The following RAB38 variants were observed in gnomAD, a reference collection of about 807,000 sequenced individuals.
RAB38 encodes the protein RAB38, member RAS oncogene family.
In RAB38, 15 loss-of-function variants were observed where a neutral mutation model predicts 18.4. The observed-to-expected ratio is 0.82, with a 90% CI of 0.55 to 1.26. RAB38 has a LOEUF of 1.26. RAB38 is among the 50% of genes most tolerant of loss of function. The pLI is 0.00. For synonymous variants in RAB38, 101 were observed against 104.4 expected (o/e 0.97, Z 0.20); for missense variants, 294 against 267.4 (o/e 1.10, Z -0.69).
the RAB38 span, among the ~76,000 whole-genome samples, chr11:87,971,752 T>C: frequency 6.6e-6 from 1 of 152,032 alleles, no homozygotes; most frequent in Non-Finnish European, 1.5e-5. Flanking sequence ...TAAGCTTAAA[T>C]AAAAATTTTA....
chr11:87,905,640 C>G, the RAB38 span, among the ~76,000 whole-genome samples: 2 of 151,868 alleles, frequency 1.3e-5, no homozygotes, highest in African/African-American at 4.8e-5. Flanking sequence ...TCTCTCTATT[C>G]TGGCTGGTTG....
the RAB38 span, among the ~76,000 whole-genome samples, chr11:88,053,037 T>C: frequency 7.7e-6 from 1 of 129,250 alleles, no homozygotes; most frequent in East Asian, 2.1e-4. Context: ...ATATATATAA[T>C]ATATACATAT....
the RAB38 span, among the ~76,000 whole-genome samples, chr11:87,938,450 G>A: frequency 6.6e-6 from 1 of 152,068 alleles, no homozygotes; most frequent in Non-Finnish European, 1.5e-5. Flanking sequence ...CAGGGTTGTT[G>A]TGGTGCTTCT....
the RAB38 span, among the ~76,000 whole-genome samples, chr11:87,836,974 C>T: frequency 6.6e-6 from 1 of 152,208 alleles, no homozygotes; most frequent in Non-Finnish European, 1.5e-5. Flanking sequence ...AGGTGAATCA[C>T]ACTATGCAAA....
chr11:88,051,602 G>C, the RAB38 span, among the ~76,000 whole-genome samples: 1 of 151,872 alleles, frequency 6.6e-6, no homozygotes, highest in Non-Finnish European at 1.5e-5. Flanking sequence ...TAGTCATCAT[G>C]TGAAAAACAA....
the RAB38 span, among the ~76,000 whole-genome samples, chr11:87,953,591 T>G: frequency 1.3e-5 from 2 of 152,194 alleles, no homozygotes; most frequent in African/African-American, 4.8e-5. Context: ...TATTTATTGT[T>G]AATCTGTTAT....
At chr11:87,957,020 T>G in the RAB38 span, among the ~76,000 whole-genome samples, 1 of 151,952 alleles carries the variant, frequency 6.6e-6, no homozygotes, top group Non-Finnish European at 1.5e-5. Flanking sequence ...CCGAACGCTC[T>G]CATGTCACAT....
chr11:87,877,791 A>C, the RAB38 span, among the ~76,000 whole-genome samples: 4 of 151,492 alleles, frequency 2.6e-5, no homozygotes, highest in African/African-American at 7.3e-5. Flanking sequence ...CATGGCTGAA[A>C]TTCTCATTTA....
the RAB38 span, among the ~76,000 whole-genome samples, chr11:88,104,487 AG>A: frequency 6.6e-6 from 1 of 152,080 alleles, no homozygotes; most frequent in Non-Finnish European, 1.5e-5. Context: ...GCCAGTCTTG[AG>A]TTTGACTACT....
chr11:87,823,179 C>A, the RAB38 span, among the ~76,000 whole-genome samples: 2 of 152,038 alleles, frequency 1.3e-5, no homozygotes, highest in Non-Finnish European at 2.9e-5. Flanking sequence ...CTGTAAATAG[C>A]TGCCTTAAAC....
the RAB38 span, chr11:87,815,053 T>C: frequency 6.6e-6 from 1 of 152,118 alleles, no homozygotes; most frequent in Non-Finnish European, 1.5e-5. Context: ...TATTTTCAAT[T>C]AGGGCAGTGA....
the RAB38 span, among the ~76,000 whole-genome samples, chr11:87,963,776 AG>A: frequency 2.6e-5 from 4 of 151,370 alleles, no homozygotes; most frequent in African/African-American, 9.7e-5. Context: ...CCTCCCAAGT[AG>A]CTGGGATTAT....
the RAB38 span, among the ~76,000 whole-genome samples, chr11:88,017,058 G>T: frequency 6.6e-6 from 1 of 152,012 alleles, no homozygotes; most frequent in Non-Finnish European, 1.5e-5. Flanking sequence ...AAGCTTCACA[G>T]ACAAGGCAAA....
chr11:87,915,876 C>T, the RAB38 span, among the ~76,000 whole-genome samples: 33 of 152,096 alleles, frequency 2.2e-4, no homozygotes, highest in African/African-American at 8.0e-4. Context: ...CCACCCCTCA[C>T]ACCAGTGCAC....
At chr11:87,878,226 C>T in the RAB38 span, among the ~76,000 whole-genome samples, 280 of 102,248 alleles carry the variant, frequency 2.7e-3, 1 homozygote, top group South Asian at 0.012. Flanking sequence ...TATATATACA[C>T]ACATATATAT....
the RAB38 span, among the ~76,000 whole-genome samples, chr11:87,967,002 T>C: frequency 6.6e-6 from 1 of 152,242 alleles, no homozygotes; most frequent in Non-Finnish European, 1.5e-5. Context: ...GAAGGAATCC[T>C]AACTCCAGCC....
chr11:87,937,284 T>C, the RAB38 span, among the ~76,000 whole-genome samples: 353 of 139,596 alleles, frequency 2.5e-3, 3 homozygotes, highest in African/African-American at 9.2e-3. Flanking sequence ...CAGCCTTGCA[T>C]TCCTCAAATA....
chr11:87,977,345 A>AAT, the RAB38 span, among the ~76,000 whole-genome samples: 219 of 112,618 alleles, frequency 1.9e-3, 2 homozygotes, highest in East Asian at 5.0e-3. Context: ...TTATAAAATT[A>AAT]TATATTATAT....
At chr11:88,025,996 C>T in the RAB38 span, among the ~76,000 whole-genome samples, 3 of 151,904 alleles carry the variant, frequency 2.0e-5, no homozygotes, top group East Asian at 1.9e-4. Flanking sequence ...GATGGAGTCT[C>T]GCTGTGTCGC....
Sources: gnomAD v4.1 joint callset for allele counts (sites outside exome capture counted in the v4.1 genomes callset) on GRCh38, gnomAD v4.1.1 for gene constraint, MANE v1.5 for transcripts, NCBI Gene and HGNC (gene_info 2026-07-23, HGNC 2026-07-21) for gene names.